The following DGKI variants were observed in gnomAD, a reference collection of about 807,000 sequenced individuals.
The protein encoded by DGKI is DAG kinase iota.
DGKI carries 55 observed loss-of-function variants against 147.5 expected under a neutral mutation model. The observed-to-expected ratio is 0.37, with a 90% CI of 0.30 to 0.47. DGKI has a LOEUF of 0.47. DGKI is among the 20% of genes least tolerant of loss of function. The pLI is 1.00. For missense variants in DGKI, 1,007 were observed against 1,323.8 expected (o/e 0.76, Z 3.71); for synonymous variants, 469 against 477.1 (o/e 0.98, Z 0.22).
intron 20 of DGKI, among the ~76,000 whole-genome samples, chr7:137,548,153 G>A (rs2128964357): frequency 6.6e-6 from 1 of 152,310 alleles, no homozygotes; most frequent in East Asian, 1.9e-4. Flanking sequence ...ATAGTCAGAA[G>A]CATATTTTAG....
intron 1 of DGKI, among the ~76,000 whole-genome samples, chr7:137,771,280 G>A (rs544191326): frequency 2.0e-5 from 3 of 152,118 alleles, no homozygotes; most frequent in Admixed American, 2.0e-4. Flanking sequence ...TAGTAGAGAT[G>A]GGGTTTCGCC....
intron 3 of DGKI, among the ~76,000 whole-genome samples, chr7:137,677,792 C>A (rs1823085757): frequency 1.3e-5 from 2 of 152,238 alleles, no homozygotes; most frequent in African/African-American, 2.4e-5. Flanking sequence ...AGGAATACAT[C>A]TTTTATCTCT....
At chr7:137,815,298 A>G (rs1440803312) in intron 1 of DGKI, among the ~76,000 whole-genome samples, 6 of 152,192 alleles carry the variant, frequency 3.9e-5, no homozygotes, top group Non-Finnish European at 8.8e-5. Flanking sequence ...ATGGCTGGTC[A>G]TTCTCAGAAA....
intron 1 of DGKI, among the ~76,000 whole-genome samples, chr7:137,799,297 C>G (rs1469702531): frequency 2.6e-5 from 4 of 152,080 alleles, no homozygotes; most frequent in African/African-American, 9.7e-5. Context: ...TTGAAATGCC[C>G]AGAATAGGCC....
chr7:137,729,062 A>G (rs1039392466), intron 1 of DGKI, among the ~76,000 whole-genome samples: 2 of 152,120 alleles, frequency 1.3e-5, no homozygotes, highest in African/African-American at 4.8e-5. Context: ...TAAAACACAC[A>G]AAAAAGATGG....
chr7:137,488,021 T>A (rs997501622), intron 21 of DGKI, among the ~76,000 whole-genome samples: 3 of 152,200 alleles, frequency 2.0e-5, no homozygotes, highest in African/African-American at 7.2e-5. Context: ...GGACAGTTGA[T>A]AATTATGCTT....
intron 1 of DGKI, among the ~76,000 whole-genome samples, chr7:137,719,161 G>A (rs1022204217): frequency 2.6e-5 from 4 of 152,094 alleles, no homozygotes; most frequent in African/African-American, 9.7e-5. Context: ...AGTCTCTGAA[G>A]TCAAACATTC....
chr7:137,471,010 A>G (rs1814861377), intron 23 of DGKI, among the ~76,000 whole-genome samples: 1 of 152,234 alleles, frequency 6.6e-6, no homozygotes, highest in Non-Finnish European at 1.5e-5. Context: ...GAACTGGCAG[A>G]TTGAAAACTG....
chr7:137,709,691 C>T (rs373333861), intron 1 of DGKI, among the ~76,000 whole-genome samples: 1 of 152,020 alleles, frequency 6.6e-6, no homozygotes, highest in East Asian at 1.9e-4. Context: ...AGTACCAAGA[C>T]ACATGAAATC....
intron 1 of DGKI, among the ~76,000 whole-genome samples, chr7:137,789,215 T>C (rs1271891676): frequency 6.6e-6 from 1 of 152,144 alleles, no homozygotes; most frequent in Non-Finnish European, 1.5e-5. Flanking sequence ...CATGACACTC[T>C]TTTTTACTTT....
At chr7:137,654,418 C>A (rs1822146538) in intron 5 of DGKI, among the ~76,000 whole-genome samples, 1 of 152,156 alleles carries the variant, frequency 6.6e-6, no homozygotes, top group African/African-American at 2.4e-5. Flanking sequence ...CACTCTGTCT[C>A]CAAATAAATA....
In DGKI at chr7:137,638,638, A is replaced by ACACACATATATG. The variant is rs1821497039; in HGVS notation, c.804+6833_804+6834insCATATATGTGTG. On this transcript the variant is annotated intron_variant, in intron 6 of 32. Coordinates refer to ENST00000614521, the MANE Select transcript of DGKI (RefSeq NM_001321708.2). ...CACACACACATATATATGTGTGTAT[A>ACACACATATATG]TATGTGTATGTATATACACACATAT... 2.7e-4 allele frequency among the ~76,000 whole-genome samples: 2 copies of ACACACATATATG among 7,398 alleles called. 1 individual carries two copies. The highest frequency in any genetic ancestry group is 3.6e-3 in the African/African-American group (2 of 556). 4.9% of individuals were successfully genotyped at this position (7,398 alleles called of 152,430 possible). A position where few individuals can be genotyped will look rare whatever the true frequency, so the allele number is the denominator to read the frequency against.
intron 28 of DGKI, among the ~76,000 whole-genome samples, chr7:137,442,305 G>C (rs1269328186): frequency 1.3e-5 from 2 of 152,060 alleles, no homozygotes; most frequent in African/African-American, 2.4e-5. Context: ...TCACCCTTTA[G>C]GACTTCAAAG....
At chr7:137,691,801 T>TTTTTTTTTTTTG (rs1171331982) in intron 1 of DGKI, among the ~76,000 whole-genome samples, 2 of 121,056 alleles carry the variant, frequency 1.7e-5, no homozygotes, top group African/African-American at 5.1e-5. Flanking sequence ...CCTTTGGGTT[T>TTTTTTTTTTTTG]TTTTTTTTTT....
intron 29 of DGKI, 118 bp from the exon 30 acceptor site, chr7:137,408,113 A>G: frequency 7.8e-7 from 1 of 1,283,714 alleles, no homozygotes; most frequent in South Asian, 1.4e-5. Flanking sequence ...CTTAGAGGAC[A>G]TAGAGAAAAG....
chr7:137,829,811 C>T (rs1423124150), intron 1 of DGKI, among the ~76,000 whole-genome samples: 1 of 152,206 alleles, frequency 6.6e-6, no homozygotes, highest in African/African-American at 2.4e-5. Flanking sequence ...AAAGAAAGTT[C>T]GCCAAAACCT....
chr7:137,394,673 C>T (rs1811483962), intron 32 of DGKI, among the ~76,000 whole-genome samples: 1 of 152,132 alleles, frequency 6.6e-6, no homozygotes, highest in Non-Finnish European at 1.5e-5. Context: ...AATATCTGGC[C>T]TCACTGCCCT....
intron 1 of DGKI, among the ~76,000 whole-genome samples, chr7:137,804,744 G>A (rs1298268534): frequency 6.6e-6 from 1 of 152,114 alleles, no homozygotes; most frequent in East Asian, 1.9e-4. Flanking sequence ...CATGATTCAC[G>A]GCAGAGCTTT....
intron 27 of DGKI, among the ~76,000 whole-genome samples, chr7:137,452,046 G>A (rs2128920992): frequency 6.6e-6 from 1 of 152,158 alleles, no homozygotes; most frequent in East Asian, 1.9e-4. Context: ...GCCTCTATAT[G>A]GGACTCTTAC....
Sources: allele counts gnomAD v4.1 joint callset (sites outside exome capture counted in the v4.1 genomes callset), GRCh38; gene constraint gnomAD v4.1.1; transcripts MANE v1.5; gene names NCBI Gene and HGNC (gene_info 2026-07-23, HGNC 2026-07-21).